PKHD1L1: variants seen among roughly 807,000 people sequenced by gnomAD.
PKHD1L1 encodes PKHD1 like 1, also known as fibrocystin-L.
Under a neutral mutation model 462.9 loss-of-function variants are expected in PKHD1L1, and 434 were observed. That is an observed-to-expected ratio of 0.94 (90% CI 0.87 to 1.02). The LOEUF (loss-of-function observed/expected upper bound fraction) is 1.02. Among genes scored for constraint, PKHD1L1 ranks in the 50% least tolerant of loss-of-function variants. The pLI is 0.00. For synonymous variants in PKHD1L1, 1,781 were observed against 1,750.0 expected, an observed-to-expected ratio of 1.02 and a Z score of -0.44; for missense variants, 5,202 against 5,096.1, an observed-to-expected ratio of 1.02 and a Z score of -0.63.
At chr8:109,526,658 C>A (rs1457294) in intron 76 of PKHD1L1, 126 bp from the exon 77 acceptor site, 1 of 851,452 alleles carries the variant, frequency 1.2e-6, no homozygotes, top group African/African-American at 1.7e-5. Context: ...TTATTTGACT[C>A]AACTTTCAAA....
intron 48 of PKHD1L1, among the ~76,000 whole-genome samples, chr8:109,463,121 A>G (rs1306159821): frequency 6.6e-6 from 1 of 152,170 alleles, no homozygotes; most frequent in African/African-American, 2.4e-5. Flanking sequence ...CCCTGGAACA[A>G]TGCATGGCAT....
At chr8:109,366,731 C>T (rs893178345) in intron 2 of PKHD1L1, among the ~76,000 whole-genome samples, 15 of 138,426 alleles carry the variant, frequency 1.1e-4, no homozygotes, top group Non-Finnish European at 2.3e-4. Flanking sequence ...TCACTCTTGT[C>T]GTCCAGGCTG....
intron 2 of PKHD1L1, among the ~76,000 whole-genome samples, chr8:109,375,585 TAG>T (rs1169037640): frequency 1.3e-5 from 2 of 152,346 alleles, no homozygotes; most frequent in African/African-American, 4.8e-5. Flanking sequence ...CTCTGATTTT[TAG>T]AGTTTCCAGT....
intron 18 of PKHD1L1, among the ~76,000 whole-genome samples, chr8:109,409,482 T>G (rs1048683303): frequency 6.6e-6 from 1 of 152,158 alleles, no homozygotes; most frequent in Non-Finnish European, 1.5e-5. Context: ...TGTATAGTTT[T>G]TTTTTTCCAG....
At chr8:109,435,403 A>G (rs760825201) in intron 29 of PKHD1L1, 49 bp downstream of exon 29, 10 of 1,570,980 alleles carry the variant, frequency 6.4e-6, no homozygotes, top group Middle Eastern at 1.8e-4. Context: ...CATTTCCATC[A>G]GTTCAATGTG....
chr8:109,522,127 A>G, intron 73 of PKHD1L1, 59 bp from the exon 74 acceptor site: 1 of 1,454,274 alleles, frequency 6.9e-7, no homozygotes, highest in Non-Finnish European at 9.4e-7. Context: ...AAAAACTCTC[A>G]TGTGTTCTCA....
intron 76 of PKHD1L1, among the ~76,000 whole-genome samples, chr8:109,526,135 A>G (rs1050883948): frequency 3.3e-5 from 5 of 152,190 alleles, no homozygotes; most frequent in African/African-American, 1.2e-4. Flanking sequence ...ATAATATTGG[A>G]TGAGCTCTTT....
chr8:109,469,686 A>T (rs529738125), intron 50 of PKHD1L1, among the ~76,000 whole-genome samples: 7 of 152,262 alleles, frequency 4.6e-5, no homozygotes, highest in Non-Finnish European at 7.4e-5. Context: ...AGGGTCATGT[A>T]CCTGCTATCT....
intron 29 of PKHD1L1, among the ~76,000 whole-genome samples, chr8:109,435,818 T>G (rs1488764940): frequency 6.6e-6 from 1 of 152,208 alleles, no homozygotes; most frequent in African/African-American, 2.4e-5. Context: ...ATTTGTTTGT[T>G]TTTTTTACCA....
rs756894504 is a variant in PKHD1L1 at position 109,382,561 on chromosome 8, G to A, written c.407G>A (p.Cys136Tyr). The A allele has an allele frequency of 6.2e-7, 1 of 1,609,456 alleles. No individual in the cohort carries two copies. Among genetic ancestry groups the A allele is most frequent in the Non-Finnish European group, 8.5e-7 (1 of 1,177,438 alleles). Residue 136 changes from cysteine to tyrosine, a missense_variant, in exon 4 of 78, where the codon TGT becomes TAT. This residue lies in a region of PKHD1L1 where 4,497 missense variants were observed against 4,336.8 expected (regional missense o/e 1.04). Transcript: ENST00000378402. ...AAAGGTCACATCAACAGCTGGGAAT[G>A]TACCTTCAACGTATGTAGGAATCTT... ...TCKGHINSWE[C>Y]TFNAKSFRTP...
rs1008955623 is a variant in PKHD1L1, at chr8:109,535,226, G to A, written c.*5136G>A. On this transcript the variant is annotated 3_prime_UTR_variant, in exon 78 of 78. Transcript: ENST00000378402. ...AGCAAAAAAAAAAAATTCCTTTTGT[G>A]CAAGATATTTATGACTGTGCCTGGC... 6.6e-5 allele frequency among the ~76,000 whole-genome samples: 10 copies of A among 151,954 alleles called. No homozygotes were observed. The highest frequency in any genetic ancestry group is 2.4e-4 in the African/African-American group (10 of 41,360).
chr8:109,413,189 T>C (rs368109168), intron 20 of PKHD1L1, among the ~76,000 whole-genome samples: 6 of 152,040 alleles, frequency 3.9e-5, no homozygotes, highest in Admixed American at 6.6e-5. Context: ...TAAAAAGAAA[T>C]AGAGAATTAT....
rs543505865 is a variant in PKHD1L1 at position 109,490,085 on chromosome 8, A to G, written c.9984+30A>G. 65 of 1,338,624 alleles carry G rather than the reference A, an allele frequency of 4.9e-5. No homozygotes were observed. In the South Asian group the frequency reaches 6.1e-4, roughly 13 times the overall value. 82.9% of individuals were successfully genotyped at this position (1,338,624 alleles called of 1,614,324 possible). ...GTGCTTTATTTTTAATTTTGTGTAT[A>G]TTAAAAATATGCAAAATATTTTTAT... On this transcript the variant is annotated intron_variant, in intron 60 of 77. Transcript: ENST00000378402.
chr8:109,441,211 T>C, intron 33 of PKHD1L1, 64 bp from the exon 34 acceptor site: 1 of 1,162,538 alleles, frequency 8.6e-7, no homozygotes, highest in Non-Finnish European at 1.2e-6. Flanking sequence ...ATCTCTATAA[T>C]TCACAAAAAA....
At chr8:109,490,850 G>A in intron 60 of PKHD1L1, 122 bp from the exon 61 acceptor site, 1 of 827,994 alleles carries the variant, frequency 1.2e-6, no homozygotes, top group Non-Finnish European at 1.7e-6. Context: ...ATCTTTAAGA[G>A]AAAGTGAATT....
At chr8:109,450,228 G>C (rs1816407854) in intron 40 of PKHD1L1, among the ~76,000 whole-genome samples, 1 of 151,784 alleles carries the variant, frequency 6.6e-6, no homozygotes, top group Non-Finnish European at 1.5e-5. Flanking sequence ...TTGGTACTTT[G>C]GACAACAAAA....
At chr8:109,379,691 C>A (rs73700870) in intron 2 of PKHD1L1, among the ~76,000 whole-genome samples, 1 of 152,154 alleles carries the variant, frequency 6.6e-6, no homozygotes, top group Non-Finnish European at 1.5e-5. Flanking sequence ...GCCTTTGCAA[C>A]CTTACATTCT....
intron 71 of PKHD1L1, 135 bp from the exon 72 acceptor site, chr8:109,515,035 T>C (rs757195970): frequency 4.3e-5 from 27 of 631,970 alleles, no homozygotes; most frequent in Non-Finnish European, 6.2e-5. Flanking sequence ...AAATTTTAGT[T>C]CATCCCTTAT....
intron 67 of PKHD1L1, among the ~76,000 whole-genome samples, chr8:109,501,341 C>T (rs148807313): frequency 6.9e-4 from 105 of 152,192 alleles, no homozygotes; most frequent in African/African-American, 2.0e-3. Context: ...AACGTGAGTT[C>T]TTTAGTCCAG....
Sources: allele counts gnomAD v4.1 joint callset (sites outside exome capture counted in the v4.1 genomes callset), GRCh38; gene constraint gnomAD v4.1.1; regional missense constraint gnomAD v4.1.1; transcripts MANE v1.5; gene names NCBI Gene and HGNC (gene_info 2026-07-23, HGNC 2026-07-21).